The following SV2C variants were observed in gnomAD, a reference collection of about 807,000 sequenced individuals.
SV2C encodes the protein synaptic vesicle glycoprotein 2C.
A neutral mutation model predicts 79.7 loss-of-function variants in SV2C; 49 were observed. That is an observed-to-expected ratio of 0.61 (90% CI 0.49 to 0.78). The LOEUF (loss-of-function observed/expected upper bound fraction) is 0.78. Among genes scored for constraint, SV2C ranks in the 30% least tolerant of loss-of-function variants. The pLI, the probability that SV2C is intolerant of heterozygous loss-of-function variation, is 0.00. For missense variants in SV2C, 833 were observed against 912.9 expected (o/e 0.91, Z 1.13); for synonymous variants, 334 against 333.2 (o/e 1.00, Z -0.03).
At chr5:76,350,156 G>GACCATT (rs1227207568) in intron 12 of SV2C, among the ~76,000 whole-genome samples, 1 of 152,138 alleles carries the variant, frequency 6.6e-6, no homozygotes, top group Non-Finnish European at 1.5e-5. Flanking sequence ...TGTCTTAAGT[G>GACCATT]ACCATTACCA....
At chr5:76,104,337 T>C (rs942360415) in intron 1 of SV2C, among the ~76,000 whole-genome samples, 5 of 152,198 alleles carry the variant, frequency 3.3e-5, no homozygotes, top group African/African-American at 1.2e-4. Flanking sequence ...TGAAGCTAAA[T>C]TCAGGGGACA....
At chr5:76,024,249 A>G in the SV2C span, among the ~76,000 whole-genome samples, 6 of 152,194 alleles carry the variant, frequency 3.9e-5, no homozygotes, top group African/African-American at 1.2e-4. Context: ...GTAGCAATTT[A>G]CATATACCCA....
At chr5:76,103,021 A>G (rs1409865636) in intron 1 of SV2C, among the ~76,000 whole-genome samples, 2 of 152,170 alleles carry the variant, frequency 1.3e-5, no homozygotes, top group African/African-American at 2.4e-5. Flanking sequence ...ACAGCACCTG[A>G]TATGTGTCAC....
intron 12 of SV2C, among the ~76,000 whole-genome samples, chr5:76,321,746 GA>G (rs5868820): frequency 0.42 from 55,047 of 132,490 alleles, 10,537 homozygotes; most frequent in East Asian, 0.55. Flanking sequence ...TATCATCTCT[GA>G]AAAAAAAAAA....
At chr5:76,111,976 C>T (rs1748111051) in intron 1 of SV2C, among the ~76,000 whole-genome samples, 1 of 152,194 alleles carries the variant, frequency 6.6e-6, no homozygotes. Context: ...TCACAATCCA[C>T]ATTTGCATAT....
At chr5:76,030,539 AAT>A in the SV2C span, among the ~76,000 whole-genome samples, 1 of 152,068 alleles carries the variant, frequency 6.6e-6, no homozygotes, top group Non-Finnish European at 1.5e-5. Flanking sequence ...GATTTGCTCT[AAT>A]AGTGACGTCA....
the SV2C span, among the ~76,000 whole-genome samples, chr5:76,062,317 C>T: frequency 6.6e-6 from 1 of 151,980 alleles, no homozygotes; most frequent in Non-Finnish European, 1.5e-5. Context: ...ATTAGGTGCT[C>T]TTATAAAAGG....
chr5:76,234,816 CT>C (rs1745563466), intron 4 of SV2C, among the ~76,000 whole-genome samples: 1 of 152,072 alleles, frequency 6.6e-6, no homozygotes, highest in South Asian at 2.1e-4. Context: ...GTGGCCTGTG[CT>C]TACTTGATTT....
chr5:76,115,738 A>G (rs186969040), intron 1 of SV2C, among the ~76,000 whole-genome samples: 4 of 152,302 alleles, frequency 2.6e-5, no homozygotes, highest in Admixed American at 2.0e-4. Context: ...TTGCTCCACT[A>G]GGGTACATTC....
the SV2C span, among the ~76,000 whole-genome samples, chr5:75,849,895 C>CCTTTT: frequency 6.6e-6 from 1 of 151,926 alleles, no homozygotes; most frequent in East Asian, 1.9e-4. Context: ...CTCTTTTCTT[C>CCTTTT]CTTTTCTTTT....
chr5:76,296,670 T>C (rs1747779240), intron 9 of SV2C, among the ~76,000 whole-genome samples: 2 of 152,180 alleles, frequency 1.3e-5, no homozygotes, highest in South Asian at 4.1e-4. Context: ...CTTAGGAAGT[T>C]GTCCCAATTT....
chr5:75,921,424 C>T, the SV2C span: 11 of 802,952 alleles, frequency 1.4e-5, no homozygotes, highest in Non-Finnish European at 2.3e-5. Context: ...CATATTGCGT[C>T]TGGAGCCTCC....
intron 2 of SV2C, among the ~76,000 whole-genome samples, chr5:76,148,114 T>A (rs1749494985): frequency 6.6e-6 from 1 of 152,194 alleles, no homozygotes; most frequent in African/African-American, 2.4e-5. Context: ...ACAACCGGGC[T>A]TTGGGCCAGA....
At position 76,332,611 on chromosome 5, in the gene SV2C, C is replaced by T. The variant is rs545825283; in HGVS notation, c.*7064C>T. ...CTATTATGTCTGTATGGTAGAAATA[C>T]TGTATACAGGTATACTACTACACAC... On this transcript the variant is annotated 3_prime_UTR_variant, in exon 13 of 13. Coordinates refer to ENST00000502798, the MANE Select transcript of SV2C (RefSeq NM_014979.4). 1.3e-5 allele frequency: 2 copies of T among 152,308 alleles called. No homozygotes were observed. The highest frequency in any genetic ancestry group is 1.3e-4 in the Admixed American group (2 of 15,294). The allele number at this position is 152,308 out of a possible 1,614,324, so 9.4% of individuals were successfully genotyped here.
chr5:76,301,570 AG>A, intron 12 of SV2C, 25 bp downstream of exon 12: 2 of 1,607,634 alleles, frequency 1.2e-6, no homozygotes, highest in South Asian at 2.2e-5. Flanking sequence ...GCCTCTAGTA[AG>A]AGGCACTCTA....
the SV2C span, among the ~76,000 whole-genome samples, chr5:76,061,269 A>C: frequency 1.5e-5 from 1 of 66,620 alleles, no homozygotes; most frequent in Non-Finnish European, 2.6e-5. Flanking sequence ...TTCAATTTGT[A>C]AAAAAAAAAA....
At chr5:75,874,152 T>A in the SV2C span, among the ~76,000 whole-genome samples, 1 of 152,144 alleles carries the variant, frequency 6.6e-6, no homozygotes, top group African/African-American at 2.4e-5. Flanking sequence ...GCAAAAATCC[T>A]TAACAAAATA....
At chr5:75,898,756 G>T in the SV2C span, among the ~76,000 whole-genome samples, 13 of 152,184 alleles carry the variant, frequency 8.5e-5, no homozygotes, top group Admixed American at 3.3e-4. Flanking sequence ...TCCTGTTATT[G>T]GTCTATTCAG....
the SV2C span, among the ~76,000 whole-genome samples, chr5:76,052,479 T>C: frequency 1.3e-5 from 2 of 152,232 alleles, no homozygotes; most frequent in African/African-American, 4.8e-5. Flanking sequence ...GGGCTCCATG[T>C]GGCATCAAAG....
Sources: gnomAD v4.1 joint callset for allele counts (sites outside exome capture counted in the v4.1 genomes callset) on GRCh38, gnomAD v4.1.1 for gene constraint, MANE v1.5 for transcripts, NCBI Gene and HGNC (gene_info 2026-07-23, HGNC 2026-07-21) for gene names.